Variants in WSCD2 observed in about 807,000 individuals in gnomAD.
WSCD2 encodes WSC domain sialate O sulfotransferase 2.
In WSCD2, 28 loss-of-function variants were observed where a neutral mutation model predicts 55.7. That is an observed-to-expected ratio of 0.50 (90% CI 0.37 to 0.69). The LOEUF is 0.69. WSCD2 is among the 30% of genes least tolerant of loss of function. WSCD2 has a pLI of 0.00. For synonymous variants in WSCD2, 301 were observed against 301.9 expected (o/e 1.00, Z 0.03); for missense variants, 616 against 762.1 (o/e 0.81, Z 2.26).
At chr12:108,242,333 T>G (rs1390929503) in intron 8 of WSCD2, among the ~76,000 whole-genome samples, 2 of 152,220 alleles carry the variant, frequency 1.3e-5, no homozygotes, top group East Asian at 3.8e-4. Context: ...GTCCAGTTAT[T>G]CCCAGGGGTA....
intron 7 of WSCD2, among the ~76,000 whole-genome samples, chr12:108,234,303 G>A (rs1025752102): frequency 2.3e-4 from 35 of 152,158 alleles, no homozygotes; most frequent in Non-Finnish European, 1.0e-4. Context: ...AGAGTCATCC[G>A]CTAACCCTAG....
rs1239393401 is a variant in WSCD2 at position 108,248,352 on chromosome 12, C to T, written c.*9C>T. 1 of 1,604,494 alleles carries T rather than the reference C, an allele frequency of 6.2e-7. No homozygotes were observed. Among genetic ancestry groups the T allele is most frequent in the East Asian group, 2.2e-5 (1 of 44,730 alleles). The stretch of plus-strand genomic sequence containing the variant: ...ACTACTACCCAAGATGATGCGTCCA[C>T]ACAGGGGGAGGGTAGACTGGGAGTC... On this transcript the variant is annotated 3_prime_UTR_variant, in exon 9 of 9. Transcript: ENST00000547525. The surrounding 1 kb of genome is among the most constrained non-coding windows in gnomAD (Gnocchi z 4.3).
At chr12:108,192,643 C>A (rs1883328088) in intron 1 of WSCD2, among the ~76,000 whole-genome samples, 1 of 152,214 alleles carries the variant, frequency 6.6e-6, no homozygotes, top group Non-Finnish European at 1.5e-5. Context: ...GTGTTCCCAG[C>A]CCACAGTCCC....
chr12:108,241,908 C>T (rs980428561), intron 8 of WSCD2, among the ~76,000 whole-genome samples: 2 of 152,128 alleles, frequency 1.3e-5, no homozygotes, highest in Admixed American at 6.5e-5. Context: ...AGAAGTTTTT[C>T]CATAAAGTGG....
At chr12:108,232,625 A>T in intron 6 of WSCD2, 106 bp from the exon 7 acceptor site, 1 of 1,159,790 alleles carries the variant, frequency 8.6e-7, no homozygotes, top group East Asian at 2.6e-5. Flanking sequence ...TGTGCCCTTG[A>T]TCACCTGGCT....
chr12:108,172,496 CTA>C (rs1324136655), intron 1 of WSCD2, among the ~76,000 whole-genome samples: 4 of 152,128 alleles, frequency 2.6e-5, no homozygotes, highest in African/African-American at 9.7e-5. Context: ...GCAGCTGTAA[CTA>C]GTTAAGTTGA....
intron 1 of WSCD2, among the ~76,000 whole-genome samples, chr12:108,169,294 T>G (rs1218976680): frequency 3.3e-5 from 5 of 152,160 alleles, no homozygotes; most frequent in African/African-American, 1.2e-4. Flanking sequence ...AAGTGCACAA[T>G]ACATGTAATA....
At chr12:108,135,359 A>C (rs1177099203) in intron 1 of WSCD2, among the ~76,000 whole-genome samples, 2 of 152,238 alleles carry the variant, frequency 1.3e-5, no homozygotes, top group African/African-American at 2.4e-5. Context: ...GAGGCAGATG[A>C]AGCTGGGTTC....
At chr12:108,177,636 A>G (rs954364049) in intron 1 of WSCD2, among the ~76,000 whole-genome samples, 1 of 152,166 alleles carries the variant, frequency 6.6e-6, no homozygotes, top group African/African-American at 2.4e-5. Context: ...TATGAGGCTC[A>G]ACAGCTGGGC....
chr12:108,167,032 G>A (rs887436548), intron 1 of WSCD2, among the ~76,000 whole-genome samples: 2 of 151,582 alleles, frequency 1.3e-5, no homozygotes, highest in Non-Finnish European at 2.9e-5. Flanking sequence ...GGCTTGTCTC[G>A]AACTCCTGAC....
chr12:108,151,657 T>C (rs1878016695), intron 1 of WSCD2, among the ~76,000 whole-genome samples: 2 of 152,176 alleles, frequency 1.3e-5, no homozygotes, highest in Non-Finnish European at 2.9e-5. Flanking sequence ...TGCCTCCTGA[T>C]CCATGCAGCC....
At chr12:108,156,175 A>G (rs1878489414) in intron 1 of WSCD2, among the ~76,000 whole-genome samples, 1 of 152,244 alleles carries the variant, frequency 6.6e-6, no homozygotes, top group Non-Finnish European at 1.5e-5. Flanking sequence ...TGAAGGCAGT[A>G]GATTTGGTTC....
intron 1 of WSCD2, among the ~76,000 whole-genome samples, chr12:108,164,544 T>A (rs1382834838): frequency 1.3e-5 from 2 of 152,214 alleles, no homozygotes; most frequent in African/African-American, 4.8e-5. Context: ...TGGCTGATTT[T>A]CTGCAGTTTG....
At chr12:108,183,640 C>G (rs75924923) in intron 1 of WSCD2, among the ~76,000 whole-genome samples, 1 of 152,178 alleles carries the variant, frequency 6.6e-6, no homozygotes, top group African/African-American at 2.4e-5. Context: ...GCCTTCTGAG[C>G]GGGCTCTGAG....
intron 1 of WSCD2, among the ~76,000 whole-genome samples, chr12:108,162,206 G>T (rs905282518): frequency 6.6e-6 from 1 of 152,202 alleles, no homozygotes; most frequent in Admixed American, 6.5e-5. Flanking sequence ...CAAGCCTGAA[G>T]ACAACGTTGG....
intron 1 of WSCD2, among the ~76,000 whole-genome samples, chr12:108,140,939 C>A (rs1876736472): frequency 6.6e-6 from 1 of 152,262 alleles, no homozygotes. Context: ...CCTTCGCTCC[C>A]ATGCTGCTTT....
At chr12:108,217,385 C>T (rs1311968846) in intron 4 of WSCD2, among the ~76,000 whole-genome samples, 1 of 152,210 alleles carries the variant, frequency 6.6e-6, no homozygotes. Flanking sequence ...AAGAGCCTCT[C>T]ACCCACTGAA....
chr12:108,169,057 G>A (rs1879951162), intron 1 of WSCD2, among the ~76,000 whole-genome samples: 1 of 152,120 alleles, frequency 6.6e-6, no homozygotes, highest in Non-Finnish European at 1.5e-5. Context: ...TCTCATAGGA[G>A]CACAAACCCC....
At chr12:108,140,089 G>T (rs1261744182) in intron 1 of WSCD2, among the ~76,000 whole-genome samples, 1 of 152,186 alleles carries the variant, frequency 6.6e-6, no homozygotes, top group Non-Finnish European at 1.5e-5. Flanking sequence ...AACTCAGAAG[G>T]TACACGGGGT....
Sources: allele counts gnomAD v4.1 joint callset (sites outside exome capture counted in the v4.1 genomes callset), GRCh38; gene constraint gnomAD v4.1.1; non-coding constraint Gnocchi (gnomAD v3.1); transcripts MANE v1.5; gene names NCBI Gene and HGNC (gene_info 2026-07-23, HGNC 2026-07-21).